WDR59: variants seen among roughly 807,000 people sequenced by gnomAD.
WDR59 encodes the protein GATOR2 complex protein WDR59.
Under a neutral mutation model 131.2 loss-of-function variants are expected in WDR59, and 100 were observed. The ratio of observed to expected loss-of-function variants is 0.76; its 90% CI spans 0.65 to 0.90. WDR59 has a LOEUF of 0.90. Among genes scored for constraint, WDR59 ranks in the 40% least tolerant of loss-of-function variants. The pLI is 0.00. For synonymous variants in WDR59, 601 were observed against 466.2 expected (o/e 1.29, Z -3.72); for missense variants, 1,203 against 1,262.2 (o/e 0.95, Z 0.71).
At chr16:74,958,647 G>A (rs1237356488) in intron 2 of WDR59, among the ~76,000 whole-genome samples, 1 of 121,678 alleles carries the variant, frequency 8.2e-6, no homozygotes, top group Non-Finnish European at 1.8e-5. Context: ...AAAGTACATG[G>A]AGAGAGAAAT....
At chr16:74,924,052 A>T in intron 8 of WDR59, 49 bp from the exon 9 acceptor site, 1 of 1,568,504 alleles carries the variant, frequency 6.4e-7, no homozygotes, top group South Asian at 1.1e-5. Flanking sequence ...CCATTAAAAA[A>T]TTCTACTGAA....
intron 1 of WDR59, among the ~76,000 whole-genome samples, chr16:74,967,282 G>T (rs1390071249): frequency 6.6e-6 from 1 of 152,140 alleles, no homozygotes; most frequent in Non-Finnish European, 1.5e-5. Flanking sequence ...AAGCCCAGAA[G>T]GAAAGGCAGG....
intron 20 of WDR59, among the ~76,000 whole-genome samples, chr16:74,891,112 CAA>C (rs1220561474): frequency 1.5e-4 from 10 of 65,420 alleles, no homozygotes; most frequent in Admixed American, 4.9e-4. Context: ...GACTCTGTCT[CAA>C]AAAAAAAAAA....
intron 21 of WDR59, among the ~76,000 whole-genome samples, chr16:74,888,728 TA>T (rs1255500342): frequency 6.6e-6 from 1 of 152,138 alleles, no homozygotes; most frequent in East Asian, 1.9e-4. Flanking sequence ...GTCATTTATA[TA>T]ACCTAAAGCT....
intron 2 of WDR59, 28 bp downstream of exon 2, chr16:74,965,745 G>C (rs371519620): frequency 5.0e-6 from 8 of 1,613,760 alleles, no homozygotes; most frequent in Non-Finnish European, 6.8e-6. Flanking sequence ...CAGAAATCAT[G>C]GCAGACAAAC....
intron 8 of WDR59, among the ~76,000 whole-genome samples, chr16:74,927,014 C>T (rs1234298437): frequency 6.6e-6 from 1 of 152,180 alleles, no homozygotes; most frequent in Non-Finnish European, 1.5e-5. Context: ...CAGAGCACAG[C>T]ACATATGAAC....
intron 18 of WDR59, among the ~76,000 whole-genome samples, chr16:74,900,161 T>C (rs1454397994): frequency 6.6e-6 from 1 of 152,158 alleles, no homozygotes; most frequent in African/African-American, 2.4e-5. Flanking sequence ...AGAACATATA[T>C]TGAGAGCACA....
At chr16:74,932,818 G>C (rs1403355088) in intron 8 of WDR59, among the ~76,000 whole-genome samples, 4 of 152,130 alleles carry the variant, frequency 2.6e-5, no homozygotes, top group Non-Finnish European at 2.9e-5. Flanking sequence ...CCAGTTAATA[G>C]GGTGAAAGGA....
At chr16:74,922,196 A>G in intron 9 of WDR59, 93 bp from the exon 10 acceptor site, 1 of 1,513,242 alleles carries the variant, frequency 6.6e-7, no homozygotes, top group Non-Finnish European at 8.9e-7. Context: ...TTCCTAAGTA[A>G]AATAAATTAG....
At chr16:74,983,733 T>C in intron 1 of WDR59, among the ~76,000 whole-genome samples, 1 of 151,938 alleles carries the variant, frequency 6.6e-6, no homozygotes, top group East Asian at 1.9e-4. Context: ...CCCAACACTT[T>C]GGGACGCTGA....
chr16:74,915,758 A>G, intron 13 of WDR59, 112 bp downstream of exon 13: 2 of 1,491,884 alleles, frequency 1.3e-6, no homozygotes, highest in Non-Finnish European at 9.2e-7. Context: ...AAGCAGAGAG[A>G]GTTCTGTTAA....
At chr16:74,976,654 G>C (rs2034194899) in intron 1 of WDR59, among the ~76,000 whole-genome samples, 1 of 152,034 alleles carries the variant, frequency 6.6e-6, no homozygotes, top group Non-Finnish European at 1.5e-5. Context: ...TGTTAGCCAG[G>C]ATGGTCTCGA....
intron 10 of WDR59, among the ~76,000 whole-genome samples, chr16:74,921,055 A>C (rs1193547140): frequency 1.3e-5 from 2 of 152,126 alleles, no homozygotes; most frequent in African/African-American, 4.8e-5. Context: ...TAATTTTCAA[A>C]TACATGATAT....
intron 8 of WDR59, among the ~76,000 whole-genome samples, chr16:74,924,791 T>G (rs570058999): frequency 6.6e-6 from 1 of 152,270 alleles, no homozygotes; most frequent in South Asian, 2.1e-4. Context: ...CTATGGCAAT[T>G]TCTTTTTTTA....
At chr16:74,926,843 G>A (rs2030861569) in intron 8 of WDR59, among the ~76,000 whole-genome samples, 1 of 152,198 alleles carries the variant, frequency 6.6e-6, no homozygotes, top group Non-Finnish European at 1.5e-5. Context: ...CGAAGTGGGT[G>A]ACTTTTTCTC....
At chr16:74,935,285 C>A (rs1889329413) in intron 8 of WDR59, among the ~76,000 whole-genome samples, 1 of 151,668 alleles carries the variant, frequency 6.6e-6, no homozygotes, top group Non-Finnish European at 1.5e-5. Context: ...CTCTCTTTGT[C>A]TAGAAGGCAG....
chr16:74,953,650 A>G (rs1291036533), intron 3 of WDR59, among the ~76,000 whole-genome samples: 1 of 152,172 alleles, frequency 6.6e-6, no homozygotes. Context: ...AATATCCAGA[A>G]TATATAAAGA....
intron 3 of WDR59, 53 bp from the exon 4 acceptor site, chr16:74,951,596 T>G: frequency 6.7e-7 from 1 of 1,495,900 alleles, no homozygotes; most frequent in Non-Finnish European, 9.1e-7. Context: ...TATATGGTCT[T>G]GCCCCAATCA....
Position 74,956,591 on chromosome 16 carries a change from C to T in WDR59, c.124G>A (p.Val42Ile), listed in dbSNP as rs748458391. ...CCTTCGAAAGGGGCATCTAGATTGA[C>T]GATGTATAAGAATCTGCGGCTAGAG... is the stretch of plus-strand genomic sequence containing the variant. ...VLSGRRFLYIVNLDAPFEGHR... is the reference protein window; with the variant it reads ...VLSGRRFLYIINLDAPFEGHR... Residue 42 changes from valine to isoleucine, a missense_variant, in exon 3 of 26, where the codon GTC (valine) becomes ATC (isoleucine). Physicochemically the swap from Val to Ile is conservative, Grantham distance 29. Transcript: ENST00000262144. The T allele has an allele frequency of 1.3e-5, 21 of 1,613,808 alleles. No homozygotes were observed. The highest frequency in any genetic ancestry group is 4.4e-5 in the South Asian group (4 of 91,066).
Sources: allele counts gnomAD v4.1 joint callset (sites outside exome capture counted in the v4.1 genomes callset), GRCh38; gene constraint gnomAD v4.1.1; transcripts MANE v1.5; gene names NCBI Gene and HGNC (gene_info 2026-07-23, HGNC 2026-07-21).